Variants in MLIP observed in about 807,000 individuals in gnomAD.
MLIP encodes muscular LMNA-interacting protein.
A neutral mutation model predicts 84.8 loss-of-function variants in MLIP; 79 were observed. The observed-to-expected ratio is 0.93, with a 90% CI of 0.78 to 1.12. MLIP has a LOEUF of 1.12. Ranked by LOEUF, MLIP falls within the 50% of genes most tolerant of loss-of-function variation. MLIP has a pLI of 0.00. For missense variants in MLIP, 1,257 were observed against 1,160.6 expected, an observed-to-expected ratio of 1.08 and a Z score of -1.21; for synonymous variants, 504 against 463.0, an observed-to-expected ratio of 1.09 and a Z score of -1.14.
chr6:54,087,792 T>C (rs1767599143), intron 1 of MLIP, among the ~76,000 whole-genome samples: 1 of 150,542 alleles, frequency 6.6e-6, no homozygotes, highest in African/African-American at 2.4e-5. Context: ...CAAAATACTT[T>C]AAGATGCTTA....
At chr6:54,025,130 T>G (rs1763726818) in intron 1 of MLIP, among the ~76,000 whole-genome samples, 1 of 152,040 alleles carries the variant, frequency 6.6e-6, no homozygotes, top group Non-Finnish European at 1.5e-5. Context: ...ATTACAGGCG[T>G]GAGCCGTTGC....
chr6:54,162,234 C>G (rs780631266), intron 8 of MLIP, among the ~76,000 whole-genome samples: 5 of 151,996 alleles, frequency 3.3e-5, no homozygotes, highest in South Asian at 4.1e-4. Flanking sequence ...TGGAAAAGAA[C>G]CAGCCACAGA....
chr6:54,219,559 G>T (rs1283587673), intron 11 of MLIP, among the ~76,000 whole-genome samples: 2 of 151,820 alleles, frequency 1.3e-5, no homozygotes, highest in Non-Finnish European at 2.9e-5. Flanking sequence ...ATTGTTTAAG[G>T]CTGCTTTTAT....
At chr6:54,021,136 T>G (rs1341814201) in intron 1 of MLIP, among the ~76,000 whole-genome samples, 2 of 152,234 alleles carry the variant, frequency 1.3e-5, no homozygotes, top group Non-Finnish European at 2.9e-5. Flanking sequence ...TTATGTTTCA[T>G]GTTAATACCA....
At chr6:54,174,023 A>G (rs752087284) in intron 9 of MLIP, among the ~76,000 whole-genome samples, 3 of 151,964 alleles carry the variant, frequency 2.0e-5, no homozygotes, top group South Asian at 2.1e-4. Context: ...TTCATTTAAC[A>G]TAATGACCTC....
At chr6:54,249,118 C>A (rs929060940) in intron 12 of MLIP, among the ~76,000 whole-genome samples, 6 of 152,000 alleles carry the variant, frequency 3.9e-5, no homozygotes, top group Non-Finnish European at 7.4e-5. Flanking sequence ...ATAAAGAAGA[C>A]CTTTATTTCT....
At chr6:54,035,331 G>C (rs1457048656) in intron 1 of MLIP, among the ~76,000 whole-genome samples, 1 of 152,078 alleles carries the variant, frequency 6.6e-6, no homozygotes, top group Non-Finnish European at 1.5e-5. Context: ...CCATGTTATA[G>C]CTCCAGCTAT....
Position 54,105,230 on chromosome 6 carries a change from A to G in MLIP, c.64-16217A>G, listed in dbSNP as rs539449664. On this transcript the variant is annotated intron_variant, in intron 1 of 12. Transcript: ENST00000274897. Reference sequence around the variant, plus strand: ...CTGCATGCATTTGTGGATATGACTTACAAGATGGAATCTGACTGCTGTTAC... The same window carrying G: ...CTGCATGCATTTGTGGATATGACTTGCAAGATGGAATCTGACTGCTGTTAC... Among the ~76,000 whole-genome samples the G allele has an allele frequency of 3.2e-4, 49 of 152,280 alleles. 1 individual carries two copies. Among genetic ancestry groups the G allele is most frequent in the African/African-American group, 1.1e-3 (46 of 41,560 alleles).
chr6:54,024,442 C>T (rs1763683267), intron 1 of MLIP, among the ~76,000 whole-genome samples: 1 of 152,190 alleles, frequency 6.6e-6, no homozygotes. Context: ...TATCTGATGA[C>T]AGGTCTGGGT....
At chr6:54,097,720 A>G (rs562215871) in intron 1 of MLIP, among the ~76,000 whole-genome samples, 60 of 152,316 alleles carry the variant, frequency 3.9e-4, no homozygotes, top group African/African-American at 1.3e-3. Flanking sequence ...AGGGTTTTCT[A>G]TGTAACAGGC....
intron 1 of MLIP, among the ~76,000 whole-genome samples, chr6:54,083,136 C>G (rs555705813): frequency 6.6e-6 from 1 of 152,142 alleles, no homozygotes; most frequent in Non-Finnish European, 1.5e-5. Flanking sequence ...GAGTTTCTTA[C>G]TTAAGGCTTT....
chr6:54,107,770 T>C (rs1041199225), upstream of MLIP, among the ~76,000 whole-genome samples: 1 of 152,190 alleles, frequency 6.6e-6, no homozygotes, highest in African/African-American at 2.4e-5. Context: ...CCTTTATTAT[T>C]TTATGTCTTC....
chr6:54,127,144 T>G, intron 3 of MLIP, among the ~76,000 whole-genome samples: 1 of 152,186 alleles, frequency 6.6e-6, no homozygotes, highest in East Asian at 1.9e-4. Context: ...TAGCATCTCC[T>G]CTTAAAGATG....
chr6:54,215,987 T>C (rs950980241), intron 11 of MLIP: 3 of 228,904 alleles, frequency 1.3e-5, no homozygotes, highest in African/African-American at 7.0e-5. Context: ...ATTCATGTTA[T>C]TGGAAATGGC....
At chr6:54,157,003 A>G (rs1774098078) in intron 5 of MLIP, among the ~76,000 whole-genome samples, 1 of 152,086 alleles carries the variant, frequency 6.6e-6, no homozygotes, top group Non-Finnish European at 1.5e-5. Flanking sequence ...ATGAATAGGA[A>G]TTCTGTAAGT....
At chr6:54,174,325 T>C (rs1776065551) in intron 9 of MLIP, among the ~76,000 whole-genome samples, 2 of 151,810 alleles carry the variant, frequency 1.3e-5, no homozygotes, top group Non-Finnish European at 2.9e-5. Flanking sequence ...CAAGTTGTTC[T>C]TTATAGTGGT....
chr6:54,214,491 T>C (rs1421175383), intron 11 of MLIP, among the ~76,000 whole-genome samples: 4 of 152,194 alleles, frequency 2.6e-5, no homozygotes, highest in Non-Finnish European at 5.9e-5. Context: ...CTATTGAGAC[T>C]TCTGTTCTTG....
Position 54,137,678 on chromosome 6 carries a change from C to A in MLIP, c.1609C>A (p.Leu537Ile). The change falls in exon 4 of 14, where the codon CTC becomes ATC. Residue 537 changes from leucine (L) to isoleucine (I), a missense_variant. Leu to Ile is a conservative substitution (Grantham distance 5). Transcript: ENST00000502396. ...PSPTLKSNTM[L>I]SLLQTSTSSS... Reference sequence around the variant, plus strand: ...ACCTACTTTGAAGAGCAATACCATGCTCTCCCTGCTACAAACCAGTACATC... The same window carrying A: ...ACCTACTTTGAAGAGCAATACCATGATCTCCCTGCTACAAACCAGTACATC... The A allele has an allele frequency of 6.5e-7, 1 of 1,536,104 alleles. No homozygotes were observed. Among genetic ancestry groups the A allele is most frequent in the Non-Finnish European group, 8.7e-7 (1 of 1,146,894 alleles).
chr6:54,132,355 A>G (rs1252658476), intron 3 of MLIP, among the ~76,000 whole-genome samples: 3 of 152,314 alleles, frequency 2.0e-5, no homozygotes, highest in Non-Finnish European at 4.4e-5. Context: ...ATGGGGAATA[A>G]CTGATGAAAT....
Sources: allele counts gnomAD v4.1 joint callset (sites outside exome capture counted in the v4.1 genomes callset), GRCh38; gene constraint gnomAD v4.1.1; transcripts MANE v1.5; gene names NCBI Gene and HGNC (gene_info 2026-07-23, HGNC 2026-07-21).